The following DAPK1 variants were observed in gnomAD, a reference collection of about 807,000 sequenced individuals.
DAPK1 encodes the protein death associated protein kinase 1, also known as death-associated protein kinase 1.
A neutral mutation model predicts 144.9 loss-of-function variants in DAPK1; 56 were observed. The observed-to-expected ratio is 0.39, with a 90% CI of 0.31 to 0.48. The LOEUF (loss-of-function observed/expected upper bound fraction) is 0.48, where lower values mean the gene tolerates loss of function less well. Among genes scored for constraint, DAPK1 ranks in the 20% least tolerant of loss-of-function variants. The probability of loss-of-function intolerance (pLI) is 0.95; values close to 1 mark genes in which losing one functional copy is unlikely to be tolerated. For missense variants in DAPK1, 1,454 were observed against 1,875.4 expected, an observed-to-expected ratio of 0.78 and a Z score of 4.15; for synonymous variants, 690 against 749.0, an observed-to-expected ratio of 0.92 and a Z score of 1.29.
chr9:87,705,240 A>ATTTT (rs200565337), intron 25 of DAPK1, among the ~76,000 whole-genome samples: 5 of 128,696 alleles, frequency 3.9e-5, no homozygotes, highest in Non-Finnish European at 6.5e-5. Context: ...TAATTAATTA[A>ATTTT]TTTTTTTTTT....
intron 18 of DAPK1, among the ~76,000 whole-genome samples, chr9:87,665,385 T>C (rs1174903354): frequency 2.0e-5 from 3 of 152,238 alleles, no homozygotes; most frequent in African/African-American, 7.2e-5. Flanking sequence ...GGAGTGTTTG[T>C]TGACCGAGTG....
chr9:87,498,493 A>C (rs1824268393), intron 1 of DAPK1: 1 of 243,586 alleles, frequency 4.1e-6, no homozygotes, highest in Non-Finnish European at 7.8e-6. Context: ...GGAAGGGGAG[A>C]GGGTGGCCAC....
At chr9:87,515,011 C>G (rs1293940889) in intron 2 of DAPK1, among the ~76,000 whole-genome samples, 1 of 152,078 alleles carries the variant, frequency 6.6e-6, no homozygotes, top group Non-Finnish European at 1.5e-5. Context: ...TTGGGGGAGT[C>G]CAAAGAAGGC....
chr9:87,674,430 G>A (rs933864040), intron 19 of DAPK1, among the ~76,000 whole-genome samples: 18 of 148,128 alleles, frequency 1.2e-4, no homozygotes, highest in African/African-American at 4.3e-4. Flanking sequence ...CAGTAGAATC[G>A]CTTGAACCCA....
chr9:87,595,563 T>C lies in DAPK1; in HGVS notation c.63-9391T>C, dbSNP rs183725118. On this transcript the variant is annotated intron_variant, in intron 2 of 25. Transcript: ENST00000408954. ...AAAGAGGTATCTTGAGCTACCTGAC[T>C]CTCAGCATATTTGGTTTCCTTGTCC... Among the ~76,000 whole-genome samples the C allele has an allele frequency of 1.2e-4, 18 of 152,340 alleles. No homozygotes were observed. The East Asian group carries it at 3.1e-3, about 26-fold the overall frequency.
chr9:87,650,294 G>A lies in DAPK1; in HGVS notation c.1626+176G>A, dbSNP rs1830400766. 5.0e-6 allele frequency: 3 copies of A among 600,714 alleles called. No homozygotes were observed. In the South Asian group the frequency reaches 6.2e-5, roughly 13 times the overall value. 37.2% of individuals were successfully genotyped at this position (600,714 alleles called of 1,614,324 possible). A position where few individuals can be genotyped will look rare whatever the true frequency, so the allele number is the denominator to read the frequency against. ...GAACTTTTCTATATTGTATTTAATA[G>A]TTAATATTAATTTATGGCATATAAC... On this transcript the variant is annotated intron_variant, in intron 16 of 25. Coordinates refer to ENST00000408954, the MANE Select transcript of DAPK1 (RefSeq NM_004938.4).
At chr9:87,526,913 C>G (rs954623961) in intron 2 of DAPK1, among the ~76,000 whole-genome samples, 2 of 152,146 alleles carry the variant, frequency 1.3e-5, no homozygotes, top group Non-Finnish European at 2.9e-5. Context: ...ATAACCATCC[C>G]CATATGCTGT....
At chr9:87,553,120 A>G (rs577813271) in intron 2 of DAPK1, among the ~76,000 whole-genome samples, 1 of 152,266 alleles carries the variant, frequency 6.6e-6, no homozygotes, top group African/African-American at 2.4e-5. Context: ...TTTTGAGAAG[A>G]CACATTGTTC....
At position 87,497,971 on chromosome 9, in the gene DAPK1, G is replaced by T; in HGVS notation, c.-245G>T. 1 of 397,086 alleles carries T rather than the reference G, an allele frequency of 2.5e-6. No individual in the cohort carries two copies. Among genetic ancestry groups the T allele is most frequent in the East Asian group, 3.6e-5 (1 of 27,994 alleles). The allele number at this position is 397,086 out of a possible 1,614,324, so 24.6% of individuals were successfully genotyped here. On this transcript the variant is annotated 5_prime_UTR_variant, in exon 1 of 26. Coordinates refer to ENST00000408954, the MANE Select transcript of DAPK1 (RefSeq NM_004938.4). ...CGCAGCGGCAGGGTCTGGGGCCGGC[G>T]CCTGGGAGGGATCTGCGCCCCCCAC... is the stretch of plus-strand genomic sequence containing the variant.
Position 87,641,914 on chromosome 9 carries a change from A to G in DAPK1, c.829-55A>G, listed in dbSNP as rs36212048. On this transcript the variant is annotated intron_variant, in intron 9 of 25. Coordinates refer to ENST00000408954, the MANE Select transcript of DAPK1 (RefSeq NM_004938.4). ...GAGATGTTTCAAAAAATTGTCATATAACACATTTTCATAATTTGAGAGCTT... is the reference window on the plus strand; with the variant it reads ...GAGATGTTTCAAAAAATTGTCATATGACACATTTTCATAATTTGAGAGCTT... 353 of 1,431,660 alleles carry G rather than the reference A, an allele frequency of 2.5e-4. 1 individual carries two copies. The African/African-American group carries it at 4.5e-3, about 18-fold the overall frequency. 88.7% of individuals were successfully genotyped at this position (1,431,660 alleles called of 1,614,324 possible).
At chr9:87,670,636 C>T (rs919055328) in intron 19 of DAPK1, among the ~76,000 whole-genome samples, 1 of 152,260 alleles carries the variant, frequency 6.6e-6, no homozygotes, top group Non-Finnish European at 1.5e-5. Flanking sequence ...GCTGTGCCCT[C>T]CCAGGTGTAT....
At chr9:87,629,748 A>C (rs1446375272) in intron 3 of DAPK1, among the ~76,000 whole-genome samples, 1 of 152,118 alleles carries the variant, frequency 6.6e-6, no homozygotes, top group East Asian at 1.9e-4. Context: ...AGTCAGTTTG[A>C]CATTATATTT....
chr9:87,571,160 C>G (rs914485065), intron 2 of DAPK1, among the ~76,000 whole-genome samples: 10 of 152,152 alleles, frequency 6.6e-5, no homozygotes, highest in African/African-American at 2.4e-4. Flanking sequence ...TACACACACA[C>G]TAAGGGAACA....
chr9:87,706,538 T>C lies in DAPK1; in HGVS notation c.3467T>C (p.Ile1156Thr), dbSNP rs770996578. The C allele has an allele frequency of 6.2e-7, 1 of 1,614,104 alleles. No homozygotes were observed. The highest frequency in any genetic ancestry group is 8.5e-7 in the Non-Finnish European group (1 of 1,179,958). ...HKVQVNLCRW[I>T]HQQSTEGDAD... ...GTCCAGGTGAACCTGTGCCGGTGGA[T>C]CCACCAGCAAAGCACAGAGGGCGAC... The change falls in exon 26 of 26, where the codon ATC becomes ACC. Residue 1156 changes from isoleucine (I) to threonine (T), a missense_variant. Around this residue, in one of 2 missense-constraint regions of DAPK1, gnomAD observed 1,025 missense variants for 1,237.9 expected, o/e 0.83. Transcript: ENST00000408954. The surrounding 1 kb of genome is among the most constrained non-coding windows in gnomAD (Gnocchi z 9.0).
At position 87,533,566 on chromosome 9, in the gene DAPK1, T is replaced by C. The variant is rs2063041604; in HGVS notation, c.62+34427T>C. ...TGAAAGACGTAGGCAACCTGCTACC[T>C]GAAGGACCAGTGAGGAACCTTTTGA... On this transcript the variant is annotated intron_variant, in intron 2 of 25. Transcript: ENST00000408954. Among the ~76,000 whole-genome samples, 3 of 152,232 alleles carry C rather than the reference T, an allele frequency of 2.0e-5. No individual in the cohort carries two copies. The South Asian group carries it at 6.2e-4, about 32-fold the overall frequency.
At position 87,689,221 on chromosome 9, in the gene DAPK1, C is replaced by A. The variant is rs191971447; in HGVS notation, c.2413+2482C>A. Among the ~76,000 whole-genome samples the A allele has an allele frequency of 1.6e-3, 237 of 152,216 alleles. 1 individual carries two copies. Among genetic ancestry groups the A allele is most frequent in the African/African-American group, 5.3e-3 (219 of 41,548 alleles). On this transcript the variant is annotated intron_variant, in intron 21 of 25. Coordinates refer to ENST00000408954, the MANE Select transcript of DAPK1 (RefSeq NM_004938.4). ...TTTCTCCATTACTTATTTTTGTCAA[C>A]TTTGTCGCAGATTGGGTGGCTGTAG... is the stretch of plus-strand genomic sequence containing the variant.
intron 3 of DAPK1, among the ~76,000 whole-genome samples, chr9:87,608,112 C>T (rs1038710566): frequency 1.3e-5 from 2 of 152,156 alleles, no homozygotes; most frequent in Non-Finnish European, 2.9e-5. Flanking sequence ...AAGTTCACCC[C>T]TATGATTCAT....
chr9:87,562,289 G>A lies in DAPK1; in HGVS notation c.63-42665G>A, dbSNP rs539370686. The stretch of plus-strand genomic sequence containing the variant: ...GTAACAAACAACCCCAATAGCGAAC[G>A]TGAGTTAGTTGGAGCCTTGTCCTCC... On this transcript the variant is annotated intron_variant, in intron 2 of 25. Transcript: ENST00000408954. Among the ~76,000 whole-genome samples, 3 of 152,350 alleles carry A rather than the reference G, an allele frequency of 2.0e-5. No individual in the cohort carries two copies. In the East Asian group the frequency reaches 5.8e-4, roughly 29 times the overall value.
chr9:87,546,269 G>C (rs1303071104), intron 2 of DAPK1, among the ~76,000 whole-genome samples: 1 of 151,994 alleles, frequency 6.6e-6, no homozygotes, highest in Non-Finnish European at 1.5e-5. Flanking sequence ...GAAGCAGCAG[G>C]GTCCGTCAGG....
Sources: gnomAD v4.1 joint callset for allele counts (sites outside exome capture counted in the v4.1 genomes callset) on GRCh38, gnomAD v4.1.1 for gene constraint, gnomAD v4.1.1 regional missense constraint, Gnocchi (gnomAD v3.1) non-coding constraint, MANE v1.5 for transcripts, NCBI Gene and HGNC (gene_info 2026-07-23, HGNC 2026-07-21) for gene names.